FOXP1: variants seen among roughly 807,000 people sequenced by gnomAD.
The protein encoded by FOXP1 is forkhead box protein P1.
A neutral mutation model predicts 98.2 loss-of-function variants in FOXP1; 15 were observed. The ratio of observed to expected loss-of-function variants is 0.15; its 90% CI spans 0.10 to 0.24. The LOEUF (loss-of-function observed/expected upper bound fraction) is 0.24. Ranked by LOEUF, FOXP1 falls within the 10% of genes least tolerant of loss-of-function variation. FOXP1 has a pLI of 1.00. For synonymous variants in FOXP1, 371 were observed against 314.5 expected, an observed-to-expected ratio of 1.18 and a Z score of -1.90; for missense variants, 633 against 848.5, an observed-to-expected ratio of 0.75 and a Z score of 3.15.
intron 4 of FOXP1, among the ~76,000 whole-genome samples, chr3:71,305,431 G>A (rs995415838): frequency 1.3e-5 from 2 of 152,118 alleles, no homozygotes. Context: ...GAGACGATTC[G>A]ATTTCCACAG....
At chr3:71,304,781 C>T (rs2074136991) in intron 4 of FOXP1, 1 of 152,156 alleles carries the variant, frequency 6.6e-6, no homozygotes, top group African/African-American at 2.4e-5. Context: ...CAAGAAGACA[C>T]AAGTCCCTAC....
At chr3:71,543,747 T>C (rs1178663287) in intron 2 of FOXP1, among the ~76,000 whole-genome samples, 1 of 152,210 alleles carries the variant, frequency 6.6e-6, no homozygotes, top group Non-Finnish European at 1.5e-5. Flanking sequence ...CCTATATCCC[T>C]CTACTTCTGT....
At chr3:71,175,683 A>G (rs1320298617) in intron 6 of FOXP1, among the ~76,000 whole-genome samples, 1 of 152,250 alleles carries the variant, frequency 6.6e-6, no homozygotes, top group Admixed American at 6.5e-5. Flanking sequence ...TCATAAAATA[A>G]GCCAGGAAAG....
chr3:71,029,072 T>TACC (rs1559760245), intron 11 of FOXP1, among the ~76,000 whole-genome samples: 1 of 152,172 alleles, frequency 6.6e-6, no homozygotes, highest in East Asian at 1.9e-4. Flanking sequence ...CATAGACCAG[T>TACC]ACCAGTCTGT....
intron 3 of FOXP1, among the ~76,000 whole-genome samples, chr3:71,418,020 AT>A (rs2083343498): frequency 6.7e-6 from 1 of 148,846 alleles, no homozygotes; most frequent in Non-Finnish European, 1.5e-5. Flanking sequence ...TTTTCATGTA[AT>A]TTTTACTCAC....
rs1438401215 is a variant in FOXP1 at position 71,023,239 on chromosome 3, C to T, written c.870-7586G>A. Among the ~76,000 whole-genome samples the T allele has an allele frequency of 2.6e-5, 4 of 152,328 alleles. No homozygotes were observed. In the South Asian group the frequency reaches 6.2e-4, roughly 24 times the overall value. ...TTCCATGTCTCTCTTTGTCTGTTAT[C>T]CTTCCAAATTATTTGGTCTCATGTC... On this transcript the variant is annotated intron_variant, in intron 11 of 20. Transcript: ENST00000649528.
chr3:71,046,896 C>A, intron 10 of FOXP1, 46 bp downstream of exon 10: 1 of 1,610,148 alleles, frequency 6.2e-7, no homozygotes, highest in Non-Finnish European at 8.5e-7. Context: ...ACCACCTCCA[C>A]CCAAAGTCTT....
chr3:71,009,729 T>C (rs1394179784), intron 12 of FOXP1, among the ~76,000 whole-genome samples: 1 of 152,098 alleles, frequency 6.6e-6, no homozygotes, highest in Non-Finnish European at 1.5e-5. Context: ...GTTTATATGA[T>C]GTACTTTTTA....
At chr3:71,475,238 AG>A (rs1157842998) in intron 3 of FOXP1, among the ~76,000 whole-genome samples, 1 of 152,152 alleles carries the variant, frequency 6.6e-6, no homozygotes, top group African/African-American at 2.4e-5. Flanking sequence ...ATCATGTGCA[AG>A]GAACACCCAA....
intron 5 of FOXP1, among the ~76,000 whole-genome samples, chr3:71,252,293 C>T (rs2068264023): frequency 6.6e-6 from 1 of 152,150 alleles, no homozygotes; most frequent in African/African-American, 2.4e-5. Context: ...TATTAAGATG[C>T]CAAACCAATC....
chr3:71,557,390 A>C (rs1466088050), intron 2 of FOXP1, among the ~76,000 whole-genome samples: 1 of 152,146 alleles, frequency 6.6e-6, no homozygotes, highest in Admixed American at 6.5e-5. Flanking sequence ...AAAAGTAAAA[A>C]AAAAAAAAAA....
intron 13 of FOXP1, among the ~76,000 whole-genome samples, chr3:71,000,601 G>A (rs1416977798): frequency 6.6e-6 from 1 of 151,620 alleles, no homozygotes; most frequent in Non-Finnish European, 1.5e-5. Flanking sequence ...GAGCAACGTC[G>A]AGGACTTACA....
chr3:71,039,447 TC>T (rs1394711263), intron 11 of FOXP1, among the ~76,000 whole-genome samples: 3 of 152,170 alleles, frequency 2.0e-5, no homozygotes, highest in African/African-American at 7.2e-5. Flanking sequence ...TGCTAATCTA[TC>T]ACCTGACTGC....
chr3:71,207,048 G>A (rs1270497546), intron 5 of FOXP1, among the ~76,000 whole-genome samples: 2 of 152,194 alleles, frequency 1.3e-5, no homozygotes, highest in African/African-American at 4.8e-5. Flanking sequence ...TTTGCCACAA[G>A]GAAGCCTCTG....
chr3:71,484,097 C>T (rs1176920228), intron 3 of FOXP1, among the ~76,000 whole-genome samples: 1 of 152,132 alleles, frequency 6.6e-6, no homozygotes, highest in African/African-American at 2.4e-5. Flanking sequence ...ACATTATTAA[C>T]AATTAAAAAG....
chr3:71,054,965 G>A (rs2050418715), intron 7 of FOXP1, among the ~76,000 whole-genome samples: 1 of 151,722 alleles, frequency 6.6e-6, no homozygotes, highest in Non-Finnish European at 1.5e-5. Flanking sequence ...CTTTGCCTGT[G>A]TGCTACTTAA....
At chr3:71,116,343 C>T (rs917189819) in intron 6 of FOXP1, among the ~76,000 whole-genome samples, 4 of 151,930 alleles carry the variant, frequency 2.6e-5, no homozygotes, top group Non-Finnish European at 4.4e-5. Flanking sequence ...GATACAAGCA[C>T]GGGGGGAAAA....
chr3:71,457,210 C>G (rs2087589864), intron 3 of FOXP1, among the ~76,000 whole-genome samples: 1 of 151,786 alleles, frequency 6.6e-6, no homozygotes, highest in South Asian at 2.1e-4. Context: ...GGATTAATAC[C>G]ATTTTCAAAA....
chr3:71,251,595 T>A (rs1197697773), intron 5 of FOXP1, among the ~76,000 whole-genome samples: 1 of 152,110 alleles, frequency 6.6e-6, no homozygotes, highest in African/African-American at 2.4e-5. Flanking sequence ...GTGGGAAACA[T>A]CCAGAACTAT....
Sources: allele counts gnomAD v4.1 joint callset (sites outside exome capture counted in the v4.1 genomes callset), GRCh38; gene constraint gnomAD v4.1.1; transcripts MANE v1.5; gene names NCBI Gene and HGNC (gene_info 2026-07-23, HGNC 2026-07-21).